The following LRP11 variants were observed in gnomAD, a reference collection of about 807,000 sequenced individuals.
The protein encoded by LRP11 is low-density lipoprotein receptor-related protein 11.
In LRP11, 25 loss-of-function variants were observed where a neutral mutation model predicts 43.1. The ratio of observed to expected loss-of-function variants is 0.58; its 90% CI spans 0.42 to 0.81. LRP11 has a LOEUF of 0.81. Among genes scored for constraint, LRP11 ranks in the 30% least tolerant of loss-of-function variants. The probability of loss-of-function intolerance (pLI) is 0.00; values close to 1 mark genes in which losing one functional copy is unlikely to be tolerated. For missense variants in LRP11, 623 were observed against 665.1 expected (o/e 0.94, Z 0.70); for synonymous variants, 316 against 299.4 (o/e 1.06, Z -0.57).
chr6:149,834,655 A>C (rs2115382279), intron 5 of LRP11, among the ~76,000 whole-genome samples: 1 of 152,332 alleles, frequency 6.6e-6, no homozygotes, highest in South Asian at 2.1e-4. Context: ...AAGCAGAGAA[A>C]ACCCACTAAA....
intron 1 of LRP11, among the ~76,000 whole-genome samples, chr6:149,861,818 G>A (rs950021885): frequency 2.6e-5 from 4 of 152,158 alleles, no homozygotes; most frequent in Non-Finnish European, 5.9e-5. Context: ...CGTGCCTGGC[G>A]TCTCCAAGTA....
chr6:149,838,704 G>T (rs183933291), intron 3 of LRP11, among the ~76,000 whole-genome samples: 1 of 150,844 alleles, frequency 6.6e-6, no homozygotes, highest in African/African-American at 2.4e-5. Context: ...AAAAAAGAAA[G>T]AAATAACGAC....
chr6:149,845,790 T>C (rs1776623658), intron 2 of LRP11, among the ~76,000 whole-genome samples: 2 of 131,222 alleles, frequency 1.5e-5, no homozygotes, highest in Admixed American at 8.0e-5. Flanking sequence ...GACCAGGTCT[T>C]ATCTGGTCAG....
At chr6:149,859,396 A>ATATATATATATATATTTTTTTT in intron 1 of LRP11, among the ~76,000 whole-genome samples, 2 of 71,496 alleles carry the variant, frequency 2.8e-5, no homozygotes, top group African/African-American at 8.2e-5. Flanking sequence ...ATATATATAT[A>ATATATATATATATATTTTTTTT]TTTTTTTTTT....
intron 1 of LRP11, among the ~76,000 whole-genome samples, chr6:149,860,515 G>A (rs1472752527): frequency 6.6e-6 from 1 of 151,326 alleles, no homozygotes; most frequent in African/African-American, 2.4e-5. Flanking sequence ...TCATGTACAT[G>A]CGTGCCACCT....
chr6:149,853,473 T>G (rs1406312588), intron 1 of LRP11, among the ~76,000 whole-genome samples: 2 of 152,130 alleles, frequency 1.3e-5, no homozygotes, highest in Non-Finnish European at 2.9e-5. Flanking sequence ...TAAAATCACT[T>G]AAGTTCAAAA....
intron 3 of LRP11, among the ~76,000 whole-genome samples, chr6:149,840,583 G>T (rs550303487): frequency 1.3e-5 from 2 of 152,310 alleles, no homozygotes; most frequent in Non-Finnish European, 2.9e-5. Flanking sequence ...GCTCATATCA[G>T]TGCAGGCCCT....
chr6:149,845,722 G>C (rs780099832), intron 2 of LRP11, among the ~76,000 whole-genome samples: 1 of 151,746 alleles, frequency 6.6e-6, no homozygotes, highest in East Asian at 1.9e-4. Flanking sequence ...GACAAGACCA[G>C]ATAATGTCTT....
rs751812381 is a variant in LRP11, at chr6:149,826,279, G to A, written c.1333C>T (p.Pro445Ser). 7.4e-6 allele frequency: 12 copies of A among 1,613,248 alleles called. No individual in the cohort carries two copies. In the South Asian group the frequency reaches 1.2e-4, roughly 16 times the overall value. Residue 445 changes from proline (P) to serine (S), a missense_variant, in exon 6 of 7, where the codon CCA (proline) becomes TCA (serine). Coordinates refer to ENST00000239367, the MANE Select transcript of LRP11 (RefSeq NM_032832.6). The part of the protein sequence containing the change: ...SKGDGGGGEH[P>S]APETGAVLPL... ...GGACATTTACCTGTTTCTGGGGCTGGGTGTTCCCCTCCTCCTCCATCACCC... is the reference window on the plus strand; with the variant it reads ...GGACATTTACCTGTTTCTGGGGCTGAGTGTTCCCCTCCTCCTCCATCACCC...
In LRP11 at chr6:149,820,340, T is replaced by C; in HGVS notation, c.*209A>G. The C allele has an allele frequency of 2.4e-6, 1 of 416,776 alleles. No homozygotes were observed. The highest frequency in any genetic ancestry group is 6.7e-4 in the Middle Eastern group (1 of 1,488). 25.8% of individuals were successfully genotyped at this position (416,776 alleles called of 1,614,324 possible). A position where few individuals can be genotyped will look rare whatever the true frequency, so the allele number is the denominator to read the frequency against. ...TAAATCAGAATTATATTTTTAGGAA[T>C]CTTTAATCATGAATTCCTCTCTAAA... is the stretch of plus-strand genomic sequence containing the variant. On this transcript the variant is annotated 3_prime_UTR_variant, in exon 7 of 7. Coordinates refer to ENST00000239367, the MANE Select transcript of LRP11 (RefSeq NM_032832.6).
chr6:149,847,008 G>GAATAGAATAGAATAGAATAT (rs1554259671), intron 2 of LRP11, among the ~76,000 whole-genome samples: 1 of 147,076 alleles, frequency 6.8e-6, no homozygotes, highest in African/African-American at 2.5e-5. Context: ...GAATAGAATA[G>GAATAGAATAGAATAGAATAT]AATAGAATAA....
chr6:149,863,382 G>T, intron 1 of LRP11, 26 bp downstream of exon 1: 1 of 1,331,018 alleles, frequency 7.5e-7, no homozygotes, highest in South Asian at 2.4e-5. Flanking sequence ...CTCTGGCCAA[G>T]GCCGGCCCCT....
chr6:149,830,852 G>A (rs1776400073), intron 5 of LRP11, among the ~76,000 whole-genome samples: 1 of 152,188 alleles, frequency 6.6e-6, no homozygotes, highest in East Asian at 1.9e-4. Context: ...CAGACTCTAG[G>A]ATTACCCAGG....
rs952444222 is a variant in LRP11 at position 149,843,269 on chromosome 6, C to T, written c.772-145G>A. 1.5e-5 allele frequency: 12 copies of T among 809,538 alleles called. No homozygotes were observed. The Admixed American group carries it at 2.7e-4, about 18-fold the overall frequency. The allele number at this position is 809,538 out of a possible 1,614,324, so 50.1% of individuals were successfully genotyped here. A position where few individuals can be genotyped will look rare whatever the true frequency, so the allele number is the denominator to read the frequency against. On this transcript the variant is annotated intron_variant, in intron 2 of 6. Transcript: ENST00000239367. The stretch of plus-strand genomic sequence containing the variant: ...CCCGAGGCTGCTGAACTACATCACA[C>T]ACTGTTGGCAGCTGGCCCACCTTGA...
chr6:149,838,986 T>C (rs1776509558), intron 3 of LRP11, among the ~76,000 whole-genome samples: 1 of 151,886 alleles, frequency 6.6e-6, no homozygotes, highest in African/African-American at 2.4e-5. Flanking sequence ...TTATATGATA[T>C]TCCTTCAAAA....
chr6:149,856,889 G>A (rs892676917), intron 1 of LRP11, among the ~76,000 whole-genome samples: 15 of 152,232 alleles, frequency 9.9e-5, no homozygotes, highest in Non-Finnish European at 1.8e-4. Context: ...ACGGAAGCGG[G>A]GCGAGACTAG....
intron 3 of LRP11, 34 bp from the exon 4 acceptor site, chr6:149,837,497 C>T (rs774286452): frequency 1.0e-5 from 16 of 1,604,870 alleles, no homozygotes; most frequent in Non-Finnish European, 1.4e-5. Flanking sequence ...CACACGAGTG[C>T]AGAAGTTCAG....
Position 149,836,054 on chromosome 6 carries a change from T to C in LRP11, c.1252+31A>G, listed in dbSNP as rs747647447. 3.1e-6 allele frequency: 5 copies of C among 1,590,404 alleles called. No homozygotes were observed. In the South Asian group the frequency reaches 5.5e-5, roughly 18 times the overall value. The stretch of plus-strand genomic sequence containing the variant: ...CAAGTTTGGCTACAGAAAACAAGGT[T>C]CTTCATTGAGAACCCACCGTGAATC... On this transcript the variant is annotated intron_variant, in intron 5 of 6. Coordinates refer to ENST00000239367, the MANE Select transcript of LRP11 (RefSeq NM_032832.6).
In LRP11 at chr6:149,863,928, C is replaced by G. The variant is rs1182526664; in HGVS notation, c.93G>C (p.Trp31Cys). The change falls in exon 1 of 7, where the codon TGG (tryptophan) becomes TGC (cysteine). Residue 31 changes from tryptophan (W) to cysteine (C), a missense_variant. Trp to Cys is a radical substitution (Grantham distance 215). Transcript: ENST00000239367. ...GCAAGGCCGCACGGCCGCTTGGCAG[C>G]CACAGGCAGAGCAGTAGCAGCCCGC... ...ALRGLLLLCL[W>C]LPSGRAALPP... is the part of the protein sequence containing the mutation. The G allele has an allele frequency of 6.8e-7, 1 of 1,477,576 alleles. No individual in the cohort carries two copies. Among genetic ancestry groups the G allele is most frequent in the Admixed American group, 2.3e-5 (1 of 42,866 alleles). The allele number at this position is 1,477,576 out of a possible 1,614,324, so 91.5% of individuals were successfully genotyped here.
Sources: gnomAD v4.1 joint callset for allele counts (sites outside exome capture counted in the v4.1 genomes callset) on GRCh38, gnomAD v4.1.1 for gene constraint, MANE v1.5 for transcripts, NCBI Gene and HGNC (gene_info 2026-07-23, HGNC 2026-07-21) for gene names.